Variants in NPAS3 observed in about 807,000 individuals in gnomAD.
NPAS3 encodes the protein neuronal PAS domain-containing protein 3.
A neutral mutation model predicts 73.1 loss-of-function variants in NPAS3; 14 were observed. That is an observed-to-expected ratio of 0.19 (90% CI 0.13 to 0.30). The LOEUF is 0.30. Ranked by LOEUF, NPAS3 falls within the 10% of genes least tolerant of loss-of-function variation. The pLI is 1.00. For synonymous variants in NPAS3, 620 were observed against 541.5 expected (o/e 1.14, Z -2.01); for missense variants, 1,096 against 1,250.0 (o/e 0.88, Z 1.86).
At chr14:33,126,764 C>T (rs1420807364) in intron 2 of NPAS3, among the ~76,000 whole-genome samples, 2 of 152,072 alleles carry the variant, frequency 1.3e-5, no homozygotes, top group African/African-American at 4.8e-5. Flanking sequence ...CAAGCATGTA[C>T]AGAACACCTC....
chr14:32,965,251 CACA>C (rs1055065001), intron 1 of NPAS3, among the ~76,000 whole-genome samples: 1 of 152,116 alleles, frequency 6.6e-6, no homozygotes, highest in Non-Finnish European at 1.5e-5. Context: ...AAACCAAAGA[CACA>C]ACAAAAAGCA....
chr14:33,237,363 G>A (rs1388124327), intron 3 of NPAS3, among the ~76,000 whole-genome samples: 2 of 152,056 alleles, frequency 1.3e-5, no homozygotes, highest in Admixed American at 1.3e-4. Flanking sequence ...ATGCACTCAA[G>A]GCATCACCTA....
chr14:33,121,831 T>A (rs1242319426), intron 2 of NPAS3, among the ~76,000 whole-genome samples: 2 of 152,120 alleles, frequency 1.3e-5, no homozygotes, highest in African/African-American at 2.4e-5. Context: ...CTCAGGTGAA[T>A]TAAAAAATGT....
chr14:33,537,258 T>G lies in NPAS3; in HGVS notation c.469-22863T>G, dbSNP rs11156801. ...CATTAATACTTCTGCTCTATTTTAA[T>G]TGTTGTGTATTTAACTGATGGCAGC... On this transcript the variant is annotated intron_variant, in intron 4 of 11. Coordinates refer to ENST00000356141, the Ensembl canonical transcript of NPAS3. Among the ~76,000 whole-genome samples the G allele has an allele frequency of 5.3e-5, 8 of 152,286 alleles. No homozygotes were observed. The South Asian group carries it at 1.7e-3, about 32-fold the overall frequency.
At chr14:33,410,515 C>T (rs2047874503) in intron 4 of NPAS3, among the ~76,000 whole-genome samples, 1 of 152,158 alleles carries the variant, frequency 6.6e-6, no homozygotes, top group African/African-American at 2.4e-5. Context: ...CAATCAATTC[C>T]CTGGCTTATA....
rs150104562 is a variant in NPAS3, at chr14:33,768,490, A to C, written c.853-5847A>C. Among the ~76,000 whole-genome samples the C allele has an allele frequency of 5.5e-3, 845 of 152,314 alleles. 12 individuals are homozygous for C. Among genetic ancestry groups the C allele is most frequent in the Admixed American group, 0.034 (522 of 15,300 alleles). On this transcript the variant is annotated intron_variant, in intron 7 of 11. Transcript: ENST00000356141. ...ATAAGATCCCTACTAATGAATTATT[A>C]AGCTGAATTTATCAATTTGCAGCTG...
chr14:33,453,206 A>AG (rs1279033475), intron 4 of NPAS3, among the ~76,000 whole-genome samples: 4 of 152,220 alleles, frequency 2.6e-5, no homozygotes, highest in African/African-American at 9.6e-5. Context: ...CATCTCAGCC[A>AG]GGGGTCTATT....
At chr14:33,751,213 A>G (rs1390309148) in intron 7 of NPAS3, among the ~76,000 whole-genome samples, 1 of 152,222 alleles carries the variant, frequency 6.6e-6, no homozygotes, top group Non-Finnish European at 1.5e-5. Flanking sequence ...GAATCATTGT[A>G]AGAGAAAGAG....
intron 4 of NPAS3, among the ~76,000 whole-genome samples, chr14:33,512,525 C>T (rs1188642963): frequency 6.6e-6 from 1 of 152,040 alleles, no homozygotes; most frequent in African/African-American, 2.4e-5. Context: ...TGGTTCAAAC[C>T]TCATGGCATT....
chr14:33,309,594 A>C (rs377222817), intron 3 of NPAS3, among the ~76,000 whole-genome samples: 50 of 152,104 alleles, frequency 3.3e-4, no homozygotes, highest in African/African-American at 1.2e-3. Flanking sequence ...AGCAACCTGA[A>C]ATTAACCTTT....
chr14:33,144,025 G>A (rs1457707296), intron 2 of NPAS3, among the ~76,000 whole-genome samples: 1 of 152,128 alleles, frequency 6.6e-6, no homozygotes, highest in African/African-American at 2.4e-5. Flanking sequence ...AAACATTTGG[G>A]CACATGTATT....
At chr14:32,938,485 T>TAGACAGAGAGAGAGAGAGAGAGAGAGAG (rs1491191135), upstream of NPAS3, among the ~76,000 whole-genome samples, 1 of 21,748 alleles carries the variant, frequency 4.6e-5, no homozygotes, top group African/African-American at 2.7e-4. Context: ...GAGAGAGAAA[T>TAGACAGAGAGAGAGAGAGAGAGAGAGAG]TGAGAGAGAG....
chr14:33,373,658 G>A (rs951376803), intron 4 of NPAS3, among the ~76,000 whole-genome samples: 5 of 152,058 alleles, frequency 3.3e-5, no homozygotes, highest in African/African-American at 1.2e-4. Context: ...TAAAGTAATG[G>A]TGGAAATATT....
chr14:33,159,553 CTTTTTTT>C (rs11389432), intron 2 of NPAS3, among the ~76,000 whole-genome samples: 2 of 121,410 alleles, frequency 1.6e-5, no homozygotes, highest in East Asian at 4.7e-4. Flanking sequence ...TTATAATGAG[CTTTTTTT>C]TTTTTTTTTT....
At chr14:33,488,674 T>C (rs138319498) in intron 4 of NPAS3, among the ~76,000 whole-genome samples, 2 of 152,194 alleles carry the variant, frequency 1.3e-5, no homozygotes, top group Admixed American at 1.3e-4. Flanking sequence ...TGGGAATATT[T>C]GTTCCCTGTT....
intron 1 of NPAS3, among the ~76,000 whole-genome samples, chr14:32,997,607 C>G (rs188769145): frequency 1.3e-5 from 2 of 152,088 alleles, no homozygotes; most frequent in African/African-American, 4.8e-5. Context: ...CAAGCTCTCT[C>G]TTTTCCTGCT....
chr14:33,235,767 C>T (rs1015353043), intron 3 of NPAS3, among the ~76,000 whole-genome samples: 1 of 142,176 alleles, frequency 7.0e-6, no homozygotes, highest in African/African-American at 2.6e-5. Flanking sequence ...GCAAGTACAT[C>T]TTGCGTACAA....
chr14:33,192,720 C>G (rs568894926), intron 2 of NPAS3, among the ~76,000 whole-genome samples: 1 of 152,340 alleles, frequency 6.6e-6, no homozygotes, highest in African/African-American at 2.4e-5. Flanking sequence ...GTTCTAGTAA[C>G]TTGAGTTTTT....
chr14:32,949,137 C>A (rs1329461966), intron 1 of NPAS3, among the ~76,000 whole-genome samples: 1 of 152,094 alleles, frequency 6.6e-6, no homozygotes. Flanking sequence ...CCAATGCAAT[C>A]ACCATAATAT....
Sources: allele counts gnomAD v4.1 joint callset (sites outside exome capture counted in the v4.1 genomes callset), GRCh38; gene constraint gnomAD v4.1.1; transcripts MANE v1.5; gene names NCBI Gene and HGNC (gene_info 2026-07-23, HGNC 2026-07-21).